The following CHSY3 variants were observed in gnomAD, a reference collection of about 807,000 sequenced individuals.
CHSY3 encodes chondroitin sulfate synthase 3, also known as N-acetylgalactosaminyl-proteoglycan 3-beta-glucuronosyltransferase 3.
CHSY3 carries 35 observed loss-of-function variants against 67.2 expected under a neutral mutation model. The ratio of observed to expected loss-of-function variants is 0.52; its 90% CI spans 0.40 to 0.69. The LOEUF is 0.69. Among genes scored for constraint, CHSY3 ranks in the 30% least tolerant of loss-of-function variants. The probability of loss-of-function intolerance (pLI) is 0.00; values close to 1 mark genes in which losing one functional copy is unlikely to be tolerated. For missense variants in CHSY3, 1,069 were observed against 1,138.5 expected (o/e 0.94, Z 0.88); for synonymous variants, 474 against 434.7 (o/e 1.09, Z -1.12).
chr5:129,978,942 T>C (rs961439881), intron 2 of CHSY3, among the ~76,000 whole-genome samples: 2 of 151,858 alleles, frequency 1.3e-5, no homozygotes, highest in Non-Finnish European at 2.9e-5. Flanking sequence ...CTCACGCCTG[T>C]AATCCCAGCA....
intron 2 of CHSY3, among the ~76,000 whole-genome samples, chr5:130,049,892 C>T (rs935818495): frequency 6.6e-6 from 1 of 151,806 alleles, no homozygotes; most frequent in African/African-American, 2.4e-5. Context: ...AAGGGGATCA[C>T]CATTTTGCTC....
At chr5:130,169,446 A>G (rs1004584072) in intron 2 of CHSY3, among the ~76,000 whole-genome samples, 2 of 152,098 alleles carry the variant, frequency 1.3e-5, no homozygotes, top group African/African-American at 4.8e-5. Context: ...AATTTCCCTG[A>G]AGATTACTAC....
chr5:130,007,629 G>A (rs1369609353), intron 2 of CHSY3, among the ~76,000 whole-genome samples: 1 of 152,156 alleles, frequency 6.6e-6, no homozygotes, highest in Non-Finnish European at 1.5e-5. Flanking sequence ...TAGGCTGGGA[G>A]AGATTGCTGC....
At chr5:130,078,533 T>C (rs1406720298) in intron 2 of CHSY3, among the ~76,000 whole-genome samples, 4 of 152,172 alleles carry the variant, frequency 2.6e-5, no homozygotes, top group Admixed American at 6.6e-5. Context: ...TTGTCATTGA[T>C]GGGAGTTGAC....
rs986255315 is a variant in CHSY3 at position 129,905,700 on chromosome 5, C to G, written c.802+69C>G. 7.7e-6 allele frequency: 12 copies of G among 1,564,256 alleles called. No individual in the cohort carries two copies. In the South Asian group the frequency reaches 1.3e-4, roughly 17 times the overall value. On this transcript the variant is annotated intron_variant, in intron 1 of 2. Coordinates refer to ENST00000305031, the MANE Select transcript of CHSY3 (RefSeq NM_175856.5). The stretch of plus-strand genomic sequence containing the variant: ...CTCCTTTCTCTGTAACCGGTCCTAG[C>G]CCCTGCCCAGCCCCTCCGCTGCTTC...
At chr5:130,083,535 A>T (rs558530544) in intron 2 of CHSY3, among the ~76,000 whole-genome samples, 1 of 152,200 alleles carries the variant, frequency 6.6e-6, no homozygotes, top group East Asian at 1.9e-4. Flanking sequence ...TGACAAGAAA[A>T]ATATTAAAAT....
intron 2 of CHSY3, among the ~76,000 whole-genome samples, chr5:130,092,900 C>T (rs1392949359): frequency 6.6e-6 from 1 of 152,106 alleles, no homozygotes; most frequent in Non-Finnish European, 1.5e-5. Flanking sequence ...GGCAGGTAGT[C>T]AGTTAGGCAA....
chr5:129,907,909 A>G (rs1401047579), intron 1 of CHSY3, among the ~76,000 whole-genome samples, 168 bp from the exon 2 acceptor site: 3 of 152,182 alleles, frequency 2.0e-5, no homozygotes, highest in Non-Finnish European at 4.4e-5. Flanking sequence ...AATAACTATG[A>G]ATTAGTCTTT....
chr5:129,929,941 C>T lies in CHSY3; in HGVS notation c.1086+21581C>T, dbSNP rs537355175. On this transcript the variant is annotated intron_variant, in intron 2 of 2. Coordinates refer to ENST00000305031, the MANE Select transcript of CHSY3 (RefSeq NM_175856.5). ...TCTTTAGAAAGGTACAACTATTTCT[C>T]GAGTTTAAACAAAATGTTAACTCGT... Among the ~76,000 whole-genome samples, 6 of 152,220 alleles carry T rather than the reference C, an allele frequency of 3.9e-5. No homozygotes were observed. The South Asian group carries it at 8.3e-4, about 21-fold the overall frequency.
At chr5:130,141,143 G>C (rs369390683) in intron 2 of CHSY3, 25 of 390,926 alleles carry the variant, frequency 6.4e-5, no homozygotes, top group African/African-American at 2.8e-4. Flanking sequence ...TGGTACAGCT[G>C]TCCAGGCAGC....
chr5:130,054,011 G>T (rs1439306101), intron 2 of CHSY3, among the ~76,000 whole-genome samples: 1 of 152,078 alleles, frequency 6.6e-6, no homozygotes, highest in Non-Finnish European at 1.5e-5. Flanking sequence ...TTTGTTCCAT[G>T]CTTGCTTTAC....
chr5:130,085,448 C>G (rs1199554306), intron 2 of CHSY3, among the ~76,000 whole-genome samples: 1 of 151,856 alleles, frequency 6.6e-6, no homozygotes, highest in Non-Finnish European at 1.5e-5. Context: ...TTTTAAAGCA[C>G]AGAAACTTCC....
chr5:130,133,712 C>T (rs541592659), intron 2 of CHSY3, among the ~76,000 whole-genome samples: 1 of 137,384 alleles, frequency 7.3e-6, no homozygotes, highest in South Asian at 2.3e-4. Context: ...GCGGAGGTTG[C>T]AGTGAGCCAA....
At chr5:129,913,871 T>C (rs1760649685) in intron 2 of CHSY3, among the ~76,000 whole-genome samples, 1 of 152,210 alleles carries the variant, frequency 6.6e-6, no homozygotes, top group South Asian at 2.1e-4. Context: ...AATTTTACAC[T>C]AGAATGTTTT....
At chr5:129,988,072 G>A (rs1241451710) in intron 2 of CHSY3, among the ~76,000 whole-genome samples, 1 of 152,150 alleles carries the variant, frequency 6.6e-6, no homozygotes, top group Non-Finnish European at 1.5e-5. Context: ...GAATGCATAG[G>A]ACACTTATAG....
At position 130,035,835 on chromosome 5, in the gene CHSY3, T is replaced by A. The variant is rs765916309; in HGVS notation, c.1086+127475T>A. Among the ~76,000 whole-genome samples the A allele has an allele frequency of 1.3e-5, 2 of 151,684 alleles. 1 individual carries two copies. Among genetic ancestry groups the A allele is most frequent in the South Asian group, 4.2e-4 (2 of 4,790 alleles). Reference sequence around the variant, plus strand: ...TATGCAGTTGATCAGGATACTGGCATTCCCAGGGTAATTCTAGGGCACATT... The same window carrying A: ...TATGCAGTTGATCAGGATACTGGCAATCCCAGGGTAATTCTAGGGCACATT... On this transcript the variant is annotated intron_variant, in intron 2 of 2. Coordinates refer to ENST00000305031, the MANE Select transcript of CHSY3 (RefSeq NM_175856.5).
At chr5:129,978,671 A>T (rs1762881876) in intron 2 of CHSY3, among the ~76,000 whole-genome samples, 1 of 152,166 alleles carries the variant, frequency 6.6e-6, no homozygotes, top group South Asian at 2.1e-4. Flanking sequence ...GGAATGTGTC[A>T]CTGACAAATG....
chr5:130,124,458 T>C (rs978614851), intron 2 of CHSY3, among the ~76,000 whole-genome samples: 64 of 104,994 alleles, frequency 6.1e-4, no homozygotes, highest in Non-Finnish European at 1.0e-3. Context: ...CAGAGCGAAC[T>C]TTTTTTTTTT....
chr5:130,004,492 A>C (rs1248292596), intron 2 of CHSY3, among the ~76,000 whole-genome samples: 1 of 152,196 alleles, frequency 6.6e-6, no homozygotes. Flanking sequence ...AATGCATAGA[A>C]GCAATAGTTA....
Sources: gnomAD v4.1 joint callset for allele counts (sites outside exome capture counted in the v4.1 genomes callset) on GRCh38, gnomAD v4.1.1 for gene constraint, MANE v1.5 for transcripts, NCBI Gene and HGNC (gene_info 2026-07-23, HGNC 2026-07-21) for gene names.